Variants in PCDH9 observed in about 807,000 individuals in gnomAD.
PCDH9 encodes protocadherin-9.
In PCDH9, 24 loss-of-function variants were observed where a neutral mutation model predicts 70.6. The observed-to-expected ratio is 0.34, with a 90% confidence interval of 0.25 to 0.48. PCDH9 has a LOEUF of 0.48. Among genes scored for constraint, PCDH9 ranks in the 20% least tolerant of loss-of-function variants. The probability of loss-of-function intolerance (pLI) is 0.99; values close to 1 mark genes in which losing one functional copy is unlikely to be tolerated. For synonymous variants in PCDH9, 562 were observed against 558.5 expected, an observed-to-expected ratio of 1.01 and a Z score of -0.09; for missense variants, 1,281 against 1,503.6, an observed-to-expected ratio of 0.85 and a Z score of 2.45.
In PCDH9 at chr13:66,590,019, TCATGAA is replaced by T. The variant is rs577696218; in HGVS notation, c.3340+41185_3340+41190del. On this transcript the variant is annotated intron_variant, in intron 4 of 4. Transcript: ENST00000377865. Reference sequence around the variant, plus strand: ...GCAGAATCCAATATATTATGTCATGTCATGAACCAATTGGCTGCCTTATTGGCCAAA... The same window carrying T: ...GCAGAATCCAATATATTATGTCATGTCCAATTGGCTGCCTTATTGGCCAAA... Among the ~76,000 whole-genome samples, 244 of 152,142 alleles carry T rather than the reference TCATGAA, an allele frequency of 1.6e-3. 1 individual carries two copies. Among genetic ancestry groups the T allele is most frequent in the African/African-American group, 5.6e-3 (234 of 41,552 alleles).
At chr13:66,699,969 C>T (rs1171595739) in intron 3 of PCDH9, among the ~76,000 whole-genome samples, 1 of 151,656 alleles carries the variant, frequency 6.6e-6, no homozygotes, top group Non-Finnish European at 1.5e-5. Flanking sequence ...CTATTATTAC[C>T]TTTTATTGTT....
At chr13:66,735,342 T>C (rs2079132053) in intron 3 of PCDH9, among the ~76,000 whole-genome samples, 1 of 152,114 alleles carries the variant, frequency 6.6e-6, no homozygotes, top group Non-Finnish European at 1.5e-5. Context: ...ATTAATGAAA[T>C]AGAGAGATTT....
chr13:66,868,929 C>G (rs375216400), intron 3 of PCDH9, among the ~76,000 whole-genome samples: 1 of 152,010 alleles, frequency 6.6e-6, no homozygotes, highest in South Asian at 2.1e-4. Flanking sequence ...GATAAATATA[C>G]GCTTAAGAAC....
At chr13:66,890,881 G>C (rs998570485) in intron 3 of PCDH9, among the ~76,000 whole-genome samples, 4 of 151,888 alleles carry the variant, frequency 2.6e-5, no homozygotes, top group African/African-American at 7.3e-5. Flanking sequence ...TTCTTTGATA[G>C]ACCACCACTA....
chr13:66,945,132 T>G (rs1478707212), intron 2 of PCDH9, among the ~76,000 whole-genome samples: 1 of 152,064 alleles, frequency 6.6e-6, no homozygotes, highest in Non-Finnish European at 1.5e-5. Flanking sequence ...AAATTTCTAT[T>G]AGTAAAGGTA....
intron 4 of PCDH9, among the ~76,000 whole-genome samples, chr13:66,623,799 A>G (rs1402463053): frequency 1.3e-5 from 2 of 152,208 alleles, no homozygotes; most frequent in Non-Finnish European, 2.9e-5. Flanking sequence ...TTATAATACT[A>G]TCTAATTTAC....
At chr13:66,714,343 T>C (rs914205382) in intron 3 of PCDH9, among the ~76,000 whole-genome samples, 33 of 151,778 alleles carry the variant, frequency 2.2e-4, no homozygotes, top group African/African-American at 6.5e-4. Flanking sequence ...CGGGTGCCTG[T>C]AGTCCCAGCT....
At chr13:67,049,089 C>T (rs1181515189) in intron 2 of PCDH9, among the ~76,000 whole-genome samples, 1 of 152,118 alleles carries the variant, frequency 6.6e-6, no homozygotes, top group Non-Finnish European at 1.5e-5. Flanking sequence ...AATGTTTGTT[C>T]TCTTTAACAT....
chr13:66,863,347 T>C (rs2139484852), intron 3 of PCDH9, among the ~76,000 whole-genome samples: 1 of 152,314 alleles, frequency 6.6e-6, no homozygotes, highest in East Asian at 1.9e-4. Context: ...AAAATGCACT[T>C]AGTATACTGC....
At chr13:66,557,572 G>T (rs117825489) in intron 4 of PCDH9, among the ~76,000 whole-genome samples, 1 of 151,918 alleles carries the variant, frequency 6.6e-6, no homozygotes, top group African/African-American at 2.4e-5. Context: ...CTTTCTCTTC[G>T]CTGTAACAGA....
intron 2 of PCDH9, among the ~76,000 whole-genome samples, chr13:66,968,092 A>C (rs2083460066): frequency 6.6e-6 from 1 of 152,090 alleles, no homozygotes; most frequent in Non-Finnish European, 1.5e-5. Flanking sequence ...TTACCTGCTT[A>C]TATAACTTCC....
intron 4 of PCDH9, among the ~76,000 whole-genome samples, chr13:66,414,942 G>A (rs7328225): frequency 0.85 from 129,725 of 152,104 alleles, 56,037 homozygotes; most frequent in South Asian, 0.95. Context: ...ATCTGAAAGC[G>A]TAAAAATAAT....
intron 4 of PCDH9, among the ~76,000 whole-genome samples, chr13:66,392,509 C>T (rs891508561): frequency 2.6e-5 from 4 of 152,092 alleles, no homozygotes; most frequent in African/African-American, 9.7e-5. Flanking sequence ...AATCTTTATT[C>T]CTTAAGCTGC....
At chr13:67,151,892 T>A (rs1293473837) in intron 2 of PCDH9, among the ~76,000 whole-genome samples, 3 of 152,038 alleles carry the variant, frequency 2.0e-5, no homozygotes, top group Non-Finnish European at 4.4e-5. Flanking sequence ...TCAAATGCAC[T>A]CAGGGTCCTT....
At chr13:66,579,976 A>G (rs973318710) in intron 4 of PCDH9, among the ~76,000 whole-genome samples, 1 of 152,096 alleles carries the variant, frequency 6.6e-6, no homozygotes, top group Non-Finnish European at 1.5e-5. Flanking sequence ...TTATACCATA[A>G]AAAGATTTTT....
At chr13:67,188,738 A>C (rs1409378145) in intron 2 of PCDH9, among the ~76,000 whole-genome samples, 1 of 152,124 alleles carries the variant, frequency 6.6e-6, no homozygotes, top group Non-Finnish European at 1.5e-5. Context: ...ATTTTTTAAA[A>C]ACTAAACTGA....
chr13:66,333,246 G>T (rs935404807), intron 4 of PCDH9, among the ~76,000 whole-genome samples: 3 of 152,174 alleles, frequency 2.0e-5, no homozygotes, highest in Admixed American at 6.5e-5. Flanking sequence ...TCTCAGAATA[G>T]TTGTCAAAGG....
chr13:67,204,214 C>T (rs1248010310), intron 2 of PCDH9: 4 of 152,060 alleles, frequency 2.6e-5, no homozygotes. Flanking sequence ...ATACACTGCA[C>T]ACAGTACTGG....
intron 3 of PCDH9, among the ~76,000 whole-genome samples, chr13:66,858,387 G>A (rs910751086): frequency 1.2e-4 from 18 of 152,032 alleles, no homozygotes; most frequent in Non-Finnish European, 2.4e-4. Context: ...GTCCAAATTC[G>A]TTAGATGACA....
Sources: gnomAD v4.1 joint callset for allele counts (sites outside exome capture counted in the v4.1 genomes callset) on GRCh38, gnomAD v4.1.1 for gene constraint, MANE v1.5 for transcripts, NCBI Gene and HGNC (gene_info 2026-07-23, HGNC 2026-07-21) for gene names.